The following EEF1AKMT1 variants were observed in gnomAD, a reference collection of about 807,000 sequenced individuals.
EEF1AKMT1 encodes EEF1A lysine methyltransferase 1, also known as N-6 adenine-specific DNA methyltransferase 2 (putative).
A neutral mutation model predicts 21.0 loss-of-function variants in EEF1AKMT1; 18 were observed. That is an observed-to-expected ratio of 0.86 (90% CI 0.59 to 1.27). The LOEUF is 1.27. Ranked by LOEUF, EEF1AKMT1 falls within the 50% of genes most tolerant of loss-of-function variation. The probability of loss-of-function intolerance (pLI) is 0.00; values close to 1 mark genes in which losing one functional copy is unlikely to be tolerated. For synonymous variants in EEF1AKMT1, 109 were observed against 94.8 expected, an observed-to-expected ratio of 1.15 and a Z score of -0.87; for missense variants, 246 against 258.6, an observed-to-expected ratio of 0.95 and a Z score of 0.33.
intron 2 of EEF1AKMT1, among the ~76,000 whole-genome samples, chr13:20,755,006 C>T (rs2058964238): frequency 6.6e-6 from 1 of 152,188 alleles, no homozygotes; most frequent in African/African-American, 2.4e-5. Context: ...GTGGGAACAG[C>T]AGTAGCTGTG....
chr13:20,760,072 C>T (rs2058992962), intron 1 of EEF1AKMT1, among the ~76,000 whole-genome samples: 1 of 141,240 alleles, frequency 7.1e-6, no homozygotes, highest in African/African-American at 2.6e-5. Flanking sequence ...GCCACTGCAC[C>T]CCAGCCTGGG....
intron 1 of EEF1AKMT1, among the ~76,000 whole-genome samples, chr13:20,766,374 T>A (rs1193266641): frequency 6.6e-6 from 1 of 150,866 alleles, no homozygotes; most frequent in African/African-American, 2.4e-5. Flanking sequence ...TAAACTCAAC[T>A]GAAATGTCCA....
intron 2 of EEF1AKMT1, among the ~76,000 whole-genome samples, chr13:20,739,262 G>A (rs767022600): frequency 1.8e-4 from 28 of 152,162 alleles, no homozygotes; most frequent in Non-Finnish European, 3.1e-4. Context: ...TAAAGGCAAC[G>A]CAGACCCAAA....
At chr13:20,736,373 G>A (rs889377293) in intron 3 of EEF1AKMT1, among the ~76,000 whole-genome samples, 1 of 152,140 alleles carries the variant, frequency 6.6e-6, no homozygotes, top group Admixed American at 6.5e-5. Flanking sequence ...TTTCAAACAC[G>A]AAAGGTTCTA....
chr13:20,738,226 G>A lies in EEF1AKMT1; in HGVS notation c.145-421C>T, dbSNP rs2058837631. On this transcript the variant is annotated intron_variant, in intron 2 of 4. Transcript: ENST00000382758. ...GAAGAATGAGTTCACTAACACCAGA[G>A]GATGCAATCAGCAAAATCCAGACTG... 2.6e-5 allele frequency among the ~76,000 whole-genome samples: 4 copies of A among 152,200 alleles called. No homozygotes were observed. The South Asian group carries it at 6.2e-4, about 24-fold the overall frequency.
chr13:20,743,737 T>C (rs865913849), intron 2 of EEF1AKMT1, among the ~76,000 whole-genome samples: 2 of 151,504 alleles, frequency 1.3e-5, no homozygotes, highest in African/African-American at 4.9e-5. Context: ...GTTTGTTGCA[T>C]AGGTATACAT....
intron 1 of EEF1AKMT1, among the ~76,000 whole-genome samples, chr13:20,759,422 T>A (rs534283750): frequency 1.7e-3 from 260 of 151,542 alleles, no homozygotes; most frequent in Non-Finnish European, 2.9e-3. Context: ...TACTAAAAAA[T>A]ACAAACAATT....
chr13:20,750,423 C>T (rs962188309), intron 2 of EEF1AKMT1, among the ~76,000 whole-genome samples: 15 of 152,048 alleles, frequency 9.9e-5, no homozygotes, highest in Admixed American at 5.9e-4. Flanking sequence ...TTTTAGCCTT[C>T]GCATATAAGA....
At chr13:20,741,456 CTTTTTT>C (rs562645355) in intron 2 of EEF1AKMT1, among the ~76,000 whole-genome samples, 4 of 112,206 alleles carry the variant, frequency 3.6e-5, no homozygotes, top group African/African-American at 1.4e-4. Flanking sequence ...ATTGTAATTA[CTTTTTT>C]TTTTTTTTTT....
chr13:20,747,365 T>G (rs1180064643), intron 2 of EEF1AKMT1: 2 of 234,918 alleles, frequency 8.5e-6, no homozygotes, highest in African/African-American at 4.6e-5. Flanking sequence ...GGATTTTGCC[T>G]TCACTTTCCT....
intron 1 of EEF1AKMT1, among the ~76,000 whole-genome samples, chr13:20,771,800 A>G (rs1005409085): frequency 2.0e-5 from 3 of 152,150 alleles, no homozygotes; most frequent in South Asian, 2.1e-4. Context: ...CACCTTAGGT[A>G]AAGAATTCGG....
chr13:20,733,431 AC>A (rs2058809415), intron 3 of EEF1AKMT1, among the ~76,000 whole-genome samples: 2 of 151,902 alleles, frequency 1.3e-5, no homozygotes, highest in African/African-American at 4.8e-5. Flanking sequence ...TTGCCACTTT[AC>A]CCAGGCTGGT....
intron 3 of EEF1AKMT1, among the ~76,000 whole-genome samples, chr13:20,733,708 G>A (rs1311614019): frequency 2.6e-5 from 4 of 152,226 alleles, no homozygotes; most frequent in Non-Finnish European, 5.9e-5. Flanking sequence ...CAGTGACCAT[G>A]ACTGCCTCAT....
At chr13:20,751,624 T>C (rs1399415212) in intron 2 of EEF1AKMT1, among the ~76,000 whole-genome samples, 2 of 152,036 alleles carry the variant, frequency 1.3e-5, no homozygotes, top group Non-Finnish European at 2.9e-5. Context: ...TCGCTCAGGA[T>C]TGCTTTGGCC....
chr13:20,738,884 T>C (rs934453252), intron 2 of EEF1AKMT1, among the ~76,000 whole-genome samples: 12 of 150,930 alleles, frequency 8.0e-5, no homozygotes, highest in Non-Finnish European at 2.9e-5. Context: ...GCAACGAAAA[T>C]GTTCTAAAAT....
intron 2 of EEF1AKMT1, among the ~76,000 whole-genome samples, chr13:20,755,494 A>C (rs2058967051): frequency 6.6e-6 from 1 of 152,230 alleles, no homozygotes; most frequent in South Asian, 2.1e-4. Context: ...ATAAACTGCT[A>C]GAAGTCACTC....
chr13:20,730,796 A>T (rs576316470), intron 4 of EEF1AKMT1, among the ~76,000 whole-genome samples: 1 of 152,308 alleles, frequency 6.6e-6, no homozygotes, highest in East Asian at 1.9e-4. Context: ...GTGGGCAGGG[A>T]CAAACGAGGG....
rs1177519456 is a variant in EEF1AKMT1, at chr13:20,740,039, C to T, written c.145-2234G>A. Among the ~76,000 whole-genome samples, 3 of 152,254 alleles carry T rather than the reference C, an allele frequency of 2.0e-5. No individual in the cohort carries two copies. The East Asian group carries it at 5.8e-4, about 29-fold the overall frequency. ...GGAGCCCATGGTGGGGGAGGAGGCT[C>T]GGGCATGGTGGGTTGTAGGTCCTGA... On this transcript the variant is annotated intron_variant, in intron 2 of 4. Coordinates refer to ENST00000382758, the MANE Select transcript of EEF1AKMT1 (RefSeq NM_001318939.2).
At chr13:20,755,711 A>G (rs1262157138) in intron 2 of EEF1AKMT1, among the ~76,000 whole-genome samples, 1 of 152,184 alleles carries the variant, frequency 6.6e-6, no homozygotes, top group Non-Finnish European at 1.5e-5. Flanking sequence ...GCAAGTACCC[A>G]ATACCTCTAG....
Sources: gnomAD v4.1 joint callset for allele counts (sites outside exome capture counted in the v4.1 genomes callset) on GRCh38, gnomAD v4.1.1 for gene constraint, MANE v1.5 for transcripts, NCBI Gene and HGNC (gene_info 2026-07-23, HGNC 2026-07-21) for gene names.